HTR3B: variants seen among roughly 807,000 people sequenced by gnomAD.
The protein encoded by HTR3B is 5-hydroxytryptamine (serotonin) receptor 3B, ionotropic.
In HTR3B, 44 loss-of-function variants were observed where a neutral mutation model predicts 42.8. That is an observed-to-expected ratio of 1.03 (90% CI 0.81 to 1.32). HTR3B has a LOEUF of 1.32. Among genes scored for constraint, HTR3B ranks in the 40% most tolerant of loss-of-function variants. The pLI, the probability that HTR3B is intolerant of heterozygous loss-of-function variation, is 0.00. For missense variants in HTR3B, 527 were observed against 536.5 expected, an observed-to-expected ratio of 0.98 and a Z score of 0.17; for synonymous variants, 203 against 209.0, an observed-to-expected ratio of 0.97 and a Z score of 0.25.
intron 2 of HTR3B, among the ~76,000 whole-genome samples, chr11:113,924,343 C>CG (rs1949946648): frequency 6.6e-6 from 1 of 151,996 alleles, no homozygotes; most frequent in African/African-American, 2.4e-5. Context: ...AGGCTGGGCA[C>CG]GGTGGCTCAC....
chr11:113,905,051 G>A, intron 1 of HTR3B, 66 bp downstream of exon 1: 3 of 1,118,646 alleles, frequency 2.7e-6, no homozygotes, highest in Non-Finnish European at 4.1e-6. Flanking sequence ...GACAATATTT[G>A]TATACACCGT....
At chr11:113,901,979 G>C (rs1949700237), upstream of HTR3B, among the ~76,000 whole-genome samples, 1 of 152,174 alleles carries the variant, frequency 6.6e-6, no homozygotes, top group Non-Finnish European at 1.5e-5. Flanking sequence ...CATCCCATAA[G>C]TAGAAGCTGA....
chr11:113,906,034 T>C (rs1949730607), intron 1 of HTR3B, among the ~76,000 whole-genome samples: 1 of 152,142 alleles, frequency 6.6e-6, no homozygotes, highest in Admixed American at 6.6e-5. Flanking sequence ...TAAGATAAAA[T>C]AGAAAAATGA....
intron 6 of HTR3B, among the ~76,000 whole-genome samples, chr11:113,934,278 G>T (rs1346602819): frequency 1.3e-5 from 2 of 151,872 alleles, no homozygotes; most frequent in Non-Finnish European, 1.5e-5. Context: ...ATCGCTTGAA[G>T]CCGGGAGGTG....
At chr11:113,939,547 A>G (rs1054314211) in intron 6 of HTR3B, among the ~76,000 whole-genome samples, 3 of 152,168 alleles carry the variant, frequency 2.0e-5, no homozygotes, top group Admixed American at 2.0e-4. Flanking sequence ...TTTCTCGGGG[A>G]ACACGTGGTC....
chr11:113,914,544 A>G (rs1949832952), intron 2 of HTR3B, among the ~76,000 whole-genome samples: 1 of 151,814 alleles, frequency 6.6e-6, no homozygotes, highest in Admixed American at 6.6e-5. Context: ...GTCCAGGGAC[A>G]CAATCTCACC....
chr11:113,947,108 T>C lies in HTR3B; in HGVS notation c.*971T>C, dbSNP rs1270215188. Among the ~76,000 whole-genome samples the C allele has an allele frequency of 6.7e-6, 1 of 149,932 alleles. No homozygotes were observed. The highest frequency in any genetic ancestry group is 2.5e-5 in the African/African-American group (1 of 40,546). ...TGGAGAGAACCCAGGTGCCAAGGCT[T>C]CTTTTTTTTTTTTTGAGGCAGAGTC... On this transcript the variant is annotated 3_prime_UTR_variant, in exon 9 of 9. Transcript: ENST00000260191.
intron 2 of HTR3B, among the ~76,000 whole-genome samples, chr11:113,916,127 G>A (rs925455935): frequency 3.3e-5 from 5 of 152,238 alleles, no homozygotes; most frequent in African/African-American, 4.8e-5. Context: ...ATGAGCCACC[G>A]TGCCCGGCCC....
chr11:113,931,629 TC>T (rs1210592790), intron 3 of HTR3B, 128 bp from the exon 4 acceptor site: 13 of 683,348 alleles, frequency 1.9e-5, no homozygotes, highest in Non-Finnish European at 3.3e-5. Flanking sequence ...AGATGGGAAG[TC>T]CTTTCTCCTA....
At chr11:113,910,988 G>A (rs1355111044) in intron 2 of HTR3B, among the ~76,000 whole-genome samples, 4 of 151,278 alleles carry the variant, frequency 2.6e-5, no homozygotes, top group Admixed American at 6.6e-5. Context: ...CACCATGCCC[G>A]GCTAATTTTT....
chr11:113,907,912 C>G (rs1466119750), intron 1 of HTR3B, among the ~76,000 whole-genome samples: 1 of 152,168 alleles, frequency 6.6e-6, no homozygotes, highest in East Asian at 1.9e-4. Context: ...CTTCCCTCCC[C>G]TGGGGTACAC....
At chr11:113,937,719 T>A (rs1227215545) in intron 6 of HTR3B, among the ~76,000 whole-genome samples, 1 of 152,220 alleles carries the variant, frequency 6.6e-6, no homozygotes, top group Non-Finnish European at 1.5e-5. Context: ...TAATTCCATA[T>A]CATGCTGACA....
In HTR3B at chr11:113,932,989, A is replaced by G. The variant is rs1438002014; in HGVS notation, c.592A>G (p.Lys198Glu). 7 of 1,614,046 alleles carry G rather than the reference A, an allele frequency of 4.3e-6. No individual in the cohort carries two copies. The highest frequency in any genetic ancestry group is 5.9e-6 in the Non-Finnish European group (7 of 1,180,020). ...LRSPEDIQHD[K>E]KAFLNDSEWE... ...GAGCCCAGAAGACATTCAGCATGAC[A>G]AAAAGGCGTTTTTGAATGACAGTGA... The change falls in exon 6 of 9, where the codon AAA becomes GAA. Residue 198 changes from lysine to glutamate, a missense_variant. By Grantham distance (56) the Lys-to-Glu change is moderately conservative. Coordinates refer to ENST00000260191, the MANE Select transcript of HTR3B (RefSeq NM_006028.5).
the HTR3B span, among the ~76,000 whole-genome samples, chr11:113,899,303 G>T: frequency 6.6e-6 from 1 of 152,198 alleles, no homozygotes; most frequent in African/African-American, 2.4e-5. Context: ...GACTTGAGGT[G>T]CCTCCTCTGT....
chr11:113,942,022 C>T (rs1243963473), intron 6 of HTR3B, among the ~76,000 whole-genome samples: 1 of 152,210 alleles, frequency 6.6e-6, no homozygotes, highest in Admixed American at 6.5e-5. Context: ...GAATGATAGA[C>T]ACACAGGTGC....
At chr11:113,903,554 G>T (rs530445895), upstream of HTR3B, among the ~76,000 whole-genome samples, 1 of 149,916 alleles carries the variant, frequency 6.7e-6, no homozygotes, top group Non-Finnish European at 1.5e-5. Context: ...TCAGCCTCCC[G>T]AGTAGCTGGG....
chr11:113,904,958 CT>C lies in HTR3B; in HGVS notation c.26del (p.Leu9ArgfsTer12). 6.2e-7 allele frequency: 1 copy of C among 1,613,748 alleles called. No individual in the cohort carries two copies. The highest frequency in any genetic ancestry group is 8.5e-7 in the Non-Finnish European group (1 of 1,179,682). Reference sequence around the variant, plus strand: ...AATGTTGTCAAGTGTAATGGCTCCCCTGTGGGCCTGCATCCTGGTGGCTGCA... The same window carrying C: ...AATGTTGTCAAGTGTAATGGCTCCCCGTGGGCCTGCATCCTGGTGGCTGCA... MLSSVMAP[L>X]WACILVAAGI... is the part of the protein sequence containing the mutation. On this transcript the variant is annotated frameshift_variant, in exon 1 of 9. Coordinates refer to ENST00000260191, the MANE Select transcript of HTR3B (RefSeq NM_006028.5). LOFTEE classifies it high-confidence loss of function.
intron 2 of HTR3B, among the ~76,000 whole-genome samples, chr11:113,925,847 AT>A (rs767197286): frequency 6.6e-6 from 1 of 152,060 alleles, no homozygotes; most frequent in Non-Finnish European, 1.5e-5. Context: ...TTATTAATAC[AT>A]TTTTTTAAAT....
intron 3 of HTR3B, 30 bp downstream of exon 3, chr11:113,931,458 T>A (rs1950034471): frequency 2.9e-6 from 4 of 1,357,002 alleles, no homozygotes; most frequent in Non-Finnish European, 4.2e-6. Flanking sequence ...TCTAAATATA[T>A]TGCACTCCTG....
Sources: allele counts gnomAD v4.1 joint callset (sites outside exome capture counted in the v4.1 genomes callset), GRCh38; gene constraint gnomAD v4.1.1; transcripts MANE v1.5; gene names NCBI Gene and HGNC (gene_info 2026-07-23, HGNC 2026-07-21).